The following RANBP2 variants were observed in gnomAD, a reference collection of about 807,000 sequenced individuals.
RANBP2 encodes E3 SUMO-protein ligase RanBP2.
A neutral mutation model predicts 303.6 loss-of-function variants in RANBP2; 57 were observed. The observed-to-expected ratio is 0.19, with a 90% CI of 0.15 to 0.23. RANBP2 has a LOEUF of 0.23. Among genes scored for constraint, RANBP2 ranks in the 10% least tolerant of loss-of-function variants. The pLI, the probability that RANBP2 is intolerant of heterozygous loss-of-function variation, is 1.00. For synonymous variants in RANBP2, 1,167 were observed against 1,301.5 expected (o/e 0.90, Z 2.23); for missense variants, 3,138 against 3,780.8 (o/e 0.83, Z 4.46).
the RANBP2 span, among the ~76,000 whole-genome samples, chr2:108,851,141 T>C: frequency 1.3e-5 from 2 of 152,078 alleles, no homozygotes; most frequent in Non-Finnish European, 2.9e-5. Context: ...TAAAGGATAT[T>C]GCAAATGATG....
At chr2:109,332,803 C>T in the RANBP2 span, among the ~76,000 whole-genome samples, 3 of 152,296 alleles carry the variant, frequency 2.0e-5, no homozygotes, top group East Asian at 3.9e-4. Flanking sequence ...AAATAGGACT[C>T]GGAATCACCC....
the RANBP2 span, among the ~76,000 whole-genome samples, chr2:109,304,055 C>T: frequency 9.0e-4 from 137 of 151,570 alleles, no homozygotes; most frequent in Middle Eastern, 3.4e-3. Flanking sequence ...GAGCTGAGAT[C>T]GCGCCATTGC....
the RANBP2 span, among the ~76,000 whole-genome samples, chr2:109,046,483 T>C: frequency 6.7e-6 from 1 of 149,758 alleles, no homozygotes; most frequent in African/African-American, 2.5e-5. Flanking sequence ...CTCGGCTCAC[T>C]GCAACCTCCA....
chr2:109,342,827 A>G, the RANBP2 span, among the ~76,000 whole-genome samples: 4 of 152,364 alleles, frequency 2.6e-5, no homozygotes, highest in Admixed American at 6.5e-5. Flanking sequence ...TGTGTGTGCC[A>G]CATCTGAGTA....
the RANBP2 span, among the ~76,000 whole-genome samples, chr2:109,376,867 C>G: frequency 6.6e-6 from 1 of 152,242 alleles, no homozygotes; most frequent in East Asian, 1.9e-4. Context: ...GAACCCCTTC[C>G]TTTGTTCCCC....
chr2:109,471,197 A>C, the RANBP2 span, among the ~76,000 whole-genome samples: 1 of 131,132 alleles, frequency 7.6e-6, no homozygotes, highest in Non-Finnish European at 1.5e-5. Flanking sequence ...TGGGCGACAG[A>C]CTCTGTCTCA....
chr2:108,929,449 T>G, the RANBP2 span: 1 of 1,525,536 alleles, frequency 6.6e-7, no homozygotes. Flanking sequence ...CGGCCCACAG[T>G]CCTTGGGCAG....
the RANBP2 span, among the ~76,000 whole-genome samples, chr2:109,403,349 G>A: frequency 1.3e-5 from 2 of 152,118 alleles, no homozygotes; most frequent in African/African-American, 4.8e-5. Flanking sequence ...TCACTTCTCA[G>A]CTTCCCCGAC....
rs768854262 is a variant in RANBP2, at chr2:108,767,189, A to C, written c.6650A>C (p.Asn2217Thr). The C allele has an allele frequency of 1.1e-5, 18 of 1,612,076 alleles. No homozygotes were observed. Among genetic ancestry groups the C allele is most frequent in the Non-Finnish European group, 1.4e-5 (16 of 1,179,874 alleles). Residue 2217 changes from asparagine (N) to threonine (T), a missense_variant, in exon 20 of 29, where the codon AAC (asparagine) becomes ACC (threonine). By Grantham distance (65) the Asn-to-Thr change is moderately conservative. Around this residue, in one of 20 missense-constraint regions of RANBP2, gnomAD observed 103 missense variants for 214.3 expected, o/e 0.48. Transcript: ENST00000283195. Reference sequence around the variant, plus strand: ...ACAACAATAAAACCCAATCCTGAAAACACTGGGCCCACATTAGAATGGGAT... The same window carrying C: ...ACAACAATAAAACCCAATCCTGAAACCACTGGGCCCACATTAGAATGGGAT... ...SDTTIKPNPE[N>T]TGPTLEWDNY...
At chr2:109,602,709 A>T in the RANBP2 span, among the ~76,000 whole-genome samples, 1 of 151,056 alleles carries the variant, frequency 6.6e-6, no homozygotes, top group East Asian at 2.0e-4. Context: ...GGATTACTAG[A>T]TGGCTCGAAT....
the RANBP2 span, among the ~76,000 whole-genome samples, chr2:109,652,778 C>T: frequency 3.3e-5 from 5 of 152,182 alleles, no homozygotes; most frequent in South Asian, 4.1e-4. Context: ...TTATAGTTCC[C>T]TGTAGAAGCT....
the RANBP2 span, chr2:109,613,938 G>A: frequency 7.4e-6 from 9 of 1,218,904 alleles, no homozygotes; most frequent in South Asian, 2.1e-4. Context: ...CGGGGCGCGA[G>A]GCTAGGCTGC....
At chr2:109,539,406 A>G in the RANBP2 span, among the ~76,000 whole-genome samples, 1 of 152,120 alleles carries the variant, frequency 6.6e-6, no homozygotes. Context: ...CCACCCCAAA[A>G]GGTTTCACGT....
intron 7 of RANBP2, among the ~76,000 whole-genome samples, chr2:108,742,391 C>T (rs1241308161): frequency 8.5e-5 from 13 of 152,066 alleles, no homozygotes; most frequent in Admixed American, 5.2e-4. Context: ...GCAACCTGTG[C>T]CTCCTGGGTT....
chr2:109,056,471 C>G, the RANBP2 span, among the ~76,000 whole-genome samples: 1 of 152,106 alleles, frequency 6.6e-6, no homozygotes, highest in Admixed American at 6.6e-5. Flanking sequence ...ACCTGGCCAG[C>G]TTATAGTCTT....
chr2:109,581,468 T>A, the RANBP2 span, among the ~76,000 whole-genome samples: 43 of 151,874 alleles, frequency 2.8e-4, no homozygotes, highest in African/African-American at 9.9e-4. Flanking sequence ...CAGTAAAGTT[T>A]ATTCTATGTA....
At chr2:109,500,297 C>T in the RANBP2 span, among the ~76,000 whole-genome samples, 1 of 152,152 alleles carries the variant, frequency 6.6e-6, no homozygotes, top group Non-Finnish European at 1.5e-5. Context: ...GGAGAGAACT[C>T]TTGGTCAGTG....
At position 108,765,244 on chromosome 2, in the gene RANBP2, C is replaced by G. The variant is rs1212737081; in HGVS notation, c.4705C>G (p.Pro1569Ala). Residue 1569 changes from proline (P) to alanine (A), a missense_variant, in exon 20 of 29, where the codon CCG (proline) becomes GCG (alanine). By Grantham distance (27) the Pro-to-Ala change is conservative. Around this residue, in one of 20 missense-constraint regions of RANBP2, gnomAD observed 388 missense variants for 328.5 expected, o/e 1.18. Transcript: ENST00000283195. ...TACAAGATGTGTTGCTTGTCAGAAT[C>G]CGGATAAACCAAGTCCATCTACTTC... is the stretch of plus-strand genomic sequence containing the variant. The part of the protein sequence containing the change: ...NATRCVACQN[P>A]DKPSPSTSVP... 6.2e-7 allele frequency: 1 copy of G among 1,613,898 alleles called. No individual in the cohort carries two copies. Among genetic ancestry groups the G allele is most frequent in the Non-Finnish European group, 8.5e-7 (1 of 1,179,980 alleles).
intron 28 of RANBP2, 58 bp from the exon 29 acceptor site, chr2:108,783,538 A>G: frequency 7.7e-7 from 1 of 1,300,090 alleles, no homozygotes; most frequent in Non-Finnish European, 1.1e-6. Flanking sequence ...TATTTTACTC[A>G]GGATTCCTAT....
Sources: gnomAD v4.1 joint callset for allele counts (sites outside exome capture counted in the v4.1 genomes callset) on GRCh38, gnomAD v4.1.1 for gene constraint, gnomAD v4.1.1 regional missense constraint, MANE v1.5 for transcripts, NCBI Gene and HGNC (gene_info 2026-07-23, HGNC 2026-07-21) for gene names.